The following HNRNPR variants were observed in gnomAD, a reference collection of about 807,000 sequenced individuals.
HNRNPR encodes heterogeneous nuclear ribonucleoprotein R.
Under a neutral mutation model 70.3 loss-of-function variants are expected in HNRNPR, and 4 were observed. The ratio of observed to expected loss-of-function variants is 0.06; its 90% CI spans 0.03 to 0.13. The LOEUF (loss-of-function observed/expected upper bound fraction) is 0.13, where lower values mean the gene tolerates loss of function less well. Ranked by LOEUF, HNRNPR falls within the 10% of genes least tolerant of loss-of-function variation. The pLI, the probability that HNRNPR is intolerant of heterozygous loss-of-function variation, is 1.00. For missense variants in HNRNPR, 423 were observed against 788.5 expected (o/e 0.54, Z 5.55); for synonymous variants, 241 against 267.6 (o/e 0.90, Z 0.97).
At chr1:23,331,047 G>C (rs540137763) in intron 5 of HNRNPR, among the ~76,000 whole-genome samples, 2 of 152,158 alleles carry the variant, frequency 1.3e-5, no homozygotes, top group African/African-American at 4.8e-5. Flanking sequence ...AGAGAAATCT[G>C]AAACTTTCCA....
chr1:23,333,452 T>C (rs920545351), intron 5 of HNRNPR, 66 bp downstream of exon 5: 13 of 934,430 alleles, frequency 1.4e-5, no homozygotes. Context: ...CTGTACAGTA[T>C]CTGCATAGTA....
chr1:23,341,822 C>T (rs1255356223), intron 1 of HNRNPR, among the ~76,000 whole-genome samples: 1 of 152,194 alleles, frequency 6.6e-6, no homozygotes, highest in African/African-American at 2.4e-5. Flanking sequence ...AAAACCGTTA[C>T]CTAATTAGGC....
intron 8 of HNRNPR, among the ~76,000 whole-genome samples, chr1:23,314,232 T>C (rs1400227808): frequency 2.0e-5 from 3 of 152,036 alleles, no homozygotes; most frequent in Non-Finnish European, 2.9e-5. Context: ...AAACTCCAAA[T>C]AGATTGAAAA....
At position 23,305,170 on chromosome 1, in the gene HNRNPR, T is replaced by C. The variant is rs888600972; in HGVS notation, c.*5284A>G. ...TTTTTAGTGTTTAAAGTCAACAAAC[T>C]GGCATTGCATTTTCCTTAACTTACA... On this transcript the variant is annotated 3_prime_UTR_variant, in exon 11 of 11. Coordinates refer to ENST00000302271, the MANE Select transcript of HNRNPR (RefSeq NM_005826.5). The C allele has an allele frequency of 2.6e-5, 4 of 152,324 alleles. No individual in the cohort carries two copies. The highest frequency in any genetic ancestry group is 7.2e-5 in the African/African-American group (3 of 41,576). 9.4% of individuals were successfully genotyped at this position (152,324 alleles called of 1,614,324 possible).
chr1:23,340,551 G>GA (rs1265568979), intron 2 of HNRNPR, among the ~76,000 whole-genome samples: 1 of 152,068 alleles, frequency 6.6e-6, no homozygotes, highest in African/African-American at 2.4e-5. Flanking sequence ...TTTTGATTAA[G>GA]AAAAAAATGT....
chr1:23,326,357 A>T (rs1645975679), intron 5 of HNRNPR, among the ~76,000 whole-genome samples: 1 of 152,226 alleles, frequency 6.6e-6, no homozygotes, highest in Non-Finnish European at 1.5e-5. Flanking sequence ...CCTGCAGAAC[A>T]ATCTTTGTAA....
In HNRNPR at chr1:23,304,849, C is replaced by T. The variant is rs567343826; in HGVS notation, c.*5605G>A. On this transcript the variant is annotated 3_prime_UTR_variant, in exon 11 of 11. Coordinates refer to ENST00000302271, the MANE Select transcript of HNRNPR (RefSeq NM_005826.5). ...CCCTATTTTGGTATTTCTTATGTTACTATATCCATATCAGCAATTTATGTT... is the reference window on the plus strand; with the variant it reads ...CCCTATTTTGGTATTTCTTATGTTATTATATCCATATCAGCAATTTATGTT... 1.2e-4 allele frequency: 19 copies of T among 152,274 alleles called. No individual in the cohort carries two copies. Among genetic ancestry groups the T allele is most frequent in the Admixed American group, 1.1e-3 (17 of 15,298 alleles). 9.4% of individuals were successfully genotyped at this position (152,274 alleles called of 1,614,324 possible). A position where few individuals can be genotyped will look rare whatever the true frequency, so the allele number is the denominator to read the frequency against.
At chr1:23,337,001 A>G (rs1646520589) in intron 4 of HNRNPR, among the ~76,000 whole-genome samples, 1 of 152,208 alleles carries the variant, frequency 6.6e-6, no homozygotes, top group Admixed American at 6.5e-5. Context: ...TACTCCTTAC[A>G]ATAACTCTGT....
At chr1:23,331,405 T>TTA (rs1160009471) in intron 5 of HNRNPR, among the ~76,000 whole-genome samples, 3 of 127,240 alleles carry the variant, frequency 2.4e-5, no homozygotes, top group African/African-American at 9.0e-5. Context: ...CACAAAAAAT[T>TTA]AAAAAAAAAA....
intron 1 of HNRNPR, among the ~76,000 whole-genome samples, chr1:23,343,513 T>C (rs1000364510): frequency 1.3e-5 from 2 of 152,150 alleles, no homozygotes; most frequent in African/African-American, 4.8e-5. Flanking sequence ...GCCACTACCG[T>C]GTAAGAAAAA....
intron 8 of HNRNPR, among the ~76,000 whole-genome samples, chr1:23,317,553 G>A (rs1052547388): frequency 3.3e-5 from 5 of 152,134 alleles, no homozygotes; most frequent in Admixed American, 1.3e-4. Context: ...TCCTGGCAAC[G>A]CAAGTACAGG....
At chr1:23,333,155 C>A (rs1646312442) in intron 5 of HNRNPR, among the ~76,000 whole-genome samples, 1 of 152,128 alleles carries the variant, frequency 6.6e-6, no homozygotes, top group South Asian at 2.1e-4. Context: ...GCACTCCAGC[C>A]TGGACAACAA....
intron 9 of HNRNPR, 68 bp downstream of exon 9, chr1:23,313,485 T>C (rs1347916884): frequency 9.8e-7 from 1 of 1,023,928 alleles, no homozygotes; most frequent in Non-Finnish European, 1.4e-6. Context: ...TTTTTAAAGT[T>C]ACTTTGTGTT....
Position 23,333,871 on chromosome 1 carries a change from C to T in HNRNPR, c.385-240G>A, listed in dbSNP as rs115541131. Among the ~76,000 whole-genome samples the T allele has an allele frequency of 5.8e-3, 890 of 152,234 alleles. 15 individuals carry two copies. Among genetic ancestry groups the T allele is most frequent in the African/African-American group, 0.02 (838 of 41,530 alleles). ...CACAAGTCTTACCTCCTTCATGCAG[C>T]TTCTCTCATTTACTATTACTCACAT... On this transcript the variant is annotated intron_variant, in intron 4 of 10. Transcript: ENST00000302271.
In HNRNPR at chr1:23,306,508, T is replaced by G. The variant is rs1645203946; in HGVS notation, c.*3946A>C. The G allele has an allele frequency of 6.6e-6, 1 of 151,974 alleles. No individual in the cohort carries two copies. The highest frequency in any genetic ancestry group is 1.5e-5 in the Non-Finnish European group (1 of 68,014). 9.4% of individuals were successfully genotyped at this position (151,974 alleles called of 1,614,324 possible). A position where few individuals can be genotyped will look rare whatever the true frequency, so the allele number is the denominator to read the frequency against. ...GGCAGCCTCAACCTCGCTTCCCTGATAGTCAGGTGATAAAAGGAAGGAGTT... is the reference window on the plus strand; with the variant it reads ...GGCAGCCTCAACCTCGCTTCCCTGAGAGTCAGGTGATAAAAGGAAGGAGTT... On this transcript the variant is annotated 3_prime_UTR_variant, in exon 11 of 11. Transcript: ENST00000302271.
rs970393622 is a variant in HNRNPR, at chr1:23,315,294, A to C, written c.1018-1592T>G. Among the ~76,000 whole-genome samples, 5 of 150,990 alleles carry C rather than the reference A, an allele frequency of 3.3e-5. 1 individual carries two copies. Among genetic ancestry groups the C allele is most frequent in the South Asian group, 2.1e-4 (1 of 4,784 alleles). Reference sequence around the variant, plus strand: ...GGCTCCGTCTCAAAAAAAAAAAAAAAAAAAAAAAAAACAAAAACCCAAAAA... The same window carrying C: ...GGCTCCGTCTCAAAAAAAAAAAAAACAAAAAAAAAAACAAAAACCCAAAAA... On this transcript the variant is annotated intron_variant, in intron 8 of 10. Transcript: ENST00000302271.
chr1:23,331,672 A>G (rs1486335281), intron 5 of HNRNPR, among the ~76,000 whole-genome samples: 2 of 149,894 alleles, frequency 1.3e-5, no homozygotes, highest in African/African-American at 4.9e-5. Flanking sequence ...GGGCAACAAG[A>G]GCAAAACACA....
intron 4 of HNRNPR, among the ~76,000 whole-genome samples, chr1:23,336,034 G>A (rs1330675711): frequency 1.7e-4 from 25 of 145,682 alleles, no homozygotes; most frequent in Admixed American, 9.1e-4. Context: ...GGAGAATGGC[G>A]TGAACCCGGG....
chr1:23,305,281 CCT>C lies in HNRNPR; in HGVS notation c.*5171_*5172del, dbSNP rs1167038785. ...TGCTATTTAGTGCTAAGTTTTATAC[CCT>C]GATCCTTTCTGTCACTGACACATGC... On this transcript the variant is annotated 3_prime_UTR_variant, in exon 11 of 11. Coordinates refer to ENST00000302271, the MANE Select transcript of HNRNPR (RefSeq NM_005826.5). The C allele has an allele frequency of 1.3e-5, 2 of 152,114 alleles. No individual in the cohort carries two copies. The highest frequency in any genetic ancestry group is 3.8e-4 in the East Asian group (2 of 5,208). 9.4% of individuals were successfully genotyped at this position (152,114 alleles called of 1,614,324 possible).
Sources: gnomAD v4.1 joint callset for allele counts (sites outside exome capture counted in the v4.1 genomes callset) on GRCh38, gnomAD v4.1.1 for gene constraint, MANE v1.5 for transcripts, NCBI Gene and HGNC (gene_info 2026-07-23, HGNC 2026-07-21) for gene names.